Variants in RARB observed in about 807,000 individuals in gnomAD.
The protein encoded by RARB is retinoic acid receptor beta, also known as HBV-activated protein.
Under a neutral mutation model 51.9 loss-of-function variants are expected in RARB, and 17 were observed. The observed-to-expected ratio is 0.33, with a 90% CI of 0.22 to 0.49. RARB has a LOEUF of 0.49. Ranked by LOEUF, RARB falls within the 20% of genes least tolerant of loss-of-function variation. RARB has a pLI of 0.99. For missense variants in RARB, 369 were observed against 550.8 expected (o/e 0.67, Z 3.30); for synonymous variants, 215 against 195.4 (o/e 1.10, Z -0.84).
At chr3:25,534,251 T>C (rs956578193) in intron 3 of RARB, among the ~76,000 whole-genome samples, 1 of 152,224 alleles carries the variant, frequency 6.6e-6, no homozygotes, top group African/African-American at 2.4e-5. Context: ...ATTTGTAAAA[T>C]GTGAGTAATC....
intron 2 of RARB, among the ~76,000 whole-genome samples, chr3:24,865,427 C>T (rs930904528): frequency 6.6e-6 from 1 of 152,138 alleles, no homozygotes; most frequent in South Asian, 2.1e-4. Flanking sequence ...TGAATCCTCA[C>T]AATACCCAGT....
intron 3 of RARB, among the ~76,000 whole-genome samples, chr3:25,089,640 TAG>T (rs1361943640): frequency 6.6e-6 from 1 of 152,152 alleles, no homozygotes; most frequent in Admixed American, 6.6e-5. Context: ...CGCCTATTGA[TAG>T]AGACTTTTAA....
chr3:25,117,830 T>C (rs1699717167), intron 3 of RARB, among the ~76,000 whole-genome samples: 1 of 152,136 alleles, frequency 6.6e-6, no homozygotes, highest in Non-Finnish European at 1.5e-5. Context: ...TCCTTCCTTG[T>C]CCAAAAAATC....
chr3:25,413,602 A>T (rs1707624451), intron 5 of RARB, among the ~76,000 whole-genome samples: 1 of 152,206 alleles, frequency 6.6e-6, no homozygotes, highest in Non-Finnish European at 1.5e-5. Flanking sequence ...CACTGGCAGT[A>T]TATGAAAATT....
At chr3:25,185,717 AG>A (rs1441388003) in intron 5 of RARB, among the ~76,000 whole-genome samples, 2 of 152,178 alleles carry the variant, frequency 1.3e-5, no homozygotes, top group African/African-American at 4.8e-5. Context: ...TGACTTTCAT[AG>A]CCACATTGAC....
intron 2 of RARB, among the ~76,000 whole-genome samples, chr3:25,052,320 A>G (rs933887646): frequency 6.6e-6 from 1 of 152,168 alleles, no homozygotes; most frequent in African/African-American, 2.4e-5. Flanking sequence ...CCCAAATTCT[A>G]TTACAGATTC....
chr3:25,555,737 G>A (rs1700031193), intron 3 of RARB: 1 of 152,166 alleles, frequency 6.6e-6, no homozygotes, highest in Non-Finnish European at 1.5e-5. Context: ...ACACCCACAA[G>A]GTATGGGTTG....
intron 3 of RARB, among the ~76,000 whole-genome samples, chr3:25,561,523 T>C (rs150509894): frequency 1.3e-3 from 200 of 152,164 alleles, no homozygotes; most frequent in African/African-American, 4.6e-3. Flanking sequence ...GCAACTCTGC[T>C]GATCTTACCT....
Position 24,883,356 on chromosome 3 carries a change from TTGTGTGTG to T in RARB, c.-380+24636_-380+24643del, listed in dbSNP as rs3057218. Among the ~76,000 whole-genome samples, 708 of 143,768 alleles carry T rather than the reference TTGTGTGTG, an allele frequency of 4.9e-3. 6 individuals carry two copies. Among genetic ancestry groups the T allele is most frequent in the African/African-American group, 0.017 (653 of 39,514 alleles). 94.3% of individuals were successfully genotyped at this position (143,768 alleles called of 152,430 possible). Reference sequence around the variant, plus strand: ...TTTGAAGCCAGACTTTCAACAATCATTGTGTGTGTGTGTGTGTGTGTGTGTGTGTGTGT... The same window carrying T: ...TTTGAAGCCAGACTTTCAACAATCATTGTGTGTGTGTGTGTGTGTGTGTGT... On this transcript the variant is annotated intron_variant, in intron 2 of 11. Coordinates refer to the RARB transcript ENST00000383772.
intron 2 of RARB, among the ~76,000 whole-genome samples, chr3:25,475,589 CACTT>C (rs1418006216): frequency 3.9e-5 from 6 of 152,060 alleles, no homozygotes; most frequent in Admixed American, 6.6e-5. Context: ...TATTTTGTGA[CACTT>C]ACTTCTTTTT....
intron 2 of RARB, among the ~76,000 whole-genome samples, chr3:25,039,579 G>T (rs1253846876): frequency 6.6e-6 from 1 of 152,126 alleles, no homozygotes; most frequent in Non-Finnish European, 1.5e-5. Context: ...ATCACACTGT[G>T]GATTATGTTG....
At chr3:25,498,996 A>C (rs1304309549) in intron 2 of RARB, among the ~76,000 whole-genome samples, 2 of 152,210 alleles carry the variant, frequency 1.3e-5, no homozygotes, top group Admixed American at 6.5e-5. Context: ...GTGGCACAAA[A>C]ATAAACTGTG....
At chr3:24,932,293 G>A (rs971849648) in intron 2 of RARB, among the ~76,000 whole-genome samples, 1 of 152,082 alleles carries the variant, frequency 6.6e-6, no homozygotes, top group Admixed American at 6.6e-5. Context: ...ACTGGACCAG[G>A]CCCCTCTCCT....
intron 3 of RARB, among the ~76,000 whole-genome samples, chr3:25,567,908 C>T (rs375378396): frequency 5.3e-5 from 8 of 152,142 alleles, no homozygotes; most frequent in African/African-American, 1.9e-4. Flanking sequence ...TCCATCCTCA[C>T]GGAGAGCCAC....
chr3:25,038,696 G>A (rs1439010441), intron 2 of RARB, among the ~76,000 whole-genome samples: 3 of 152,126 alleles, frequency 2.0e-5, no homozygotes, highest in Non-Finnish European at 2.9e-5. Context: ...GCATTTAAGT[G>A]TGGAAACTTG....
At chr3:25,366,759 G>A (rs1216233173) in intron 5 of RARB, among the ~76,000 whole-genome samples, 1 of 152,136 alleles carries the variant, frequency 6.6e-6, no homozygotes, top group Non-Finnish European at 1.5e-5. Context: ...ACTCTCTGTG[G>A]CACAGAGTGA....
chr3:25,024,356 GT>G (rs1697699248), intron 2 of RARB, among the ~76,000 whole-genome samples: 1 of 152,164 alleles, frequency 6.6e-6, no homozygotes, highest in Admixed American at 6.5e-5. Context: ...CTATTTCTGA[GT>G]GTGAATTGCC....
At chr3:25,385,538 G>T (rs558482210) in intron 5 of RARB, among the ~76,000 whole-genome samples, 3 of 152,282 alleles carry the variant, frequency 2.0e-5, no homozygotes, top group Admixed American at 6.5e-5. Flanking sequence ...CATCCCTGGA[G>T]TAAGCCTCAG....
intron 3 of RARB, among the ~76,000 whole-genome samples, chr3:25,090,246 ACTT>A (rs1699172860): frequency 6.6e-6 from 1 of 152,094 alleles, no homozygotes; most frequent in South Asian, 2.1e-4. Flanking sequence ...AACCATGCAT[ACTT>A]CTTTTTTAAG....
Sources: gnomAD v4.1 joint callset for allele counts (sites outside exome capture counted in the v4.1 genomes callset) on GRCh38, gnomAD v4.1.1 for gene constraint, MANE v1.5 for transcripts, NCBI Gene and HGNC (gene_info 2026-07-23, HGNC 2026-07-21) for gene names.